Variants in SYCP1 observed in about 807,000 individuals in gnomAD.
SYCP1 encodes synaptonemal complex protein 1.
A neutral mutation model predicts 153.1 loss-of-function variants in SYCP1; 64 were observed. The observed-to-expected ratio is 0.42, with a 90% CI of 0.34 to 0.51. SYCP1 has a LOEUF of 0.51. SYCP1 is among the 20% of genes least tolerant of loss of function. SYCP1 has a pLI of 0.06. For missense variants in SYCP1, 997 were observed against 1,049.0 expected, an observed-to-expected ratio of 0.95 and a Z score of 0.68; for synonymous variants, 384 against 341.8, an observed-to-expected ratio of 1.12 and a Z score of -1.36.
intron 8 of SYCP1, among the ~76,000 whole-genome samples, chr1:114,861,242 G>T (rs1302762914): frequency 1.3e-5 from 2 of 152,018 alleles, no homozygotes; most frequent in African/African-American, 4.8e-5. Context: ...TTTTCCTAAA[G>T]AAAAATTCTT....
At chr1:114,954,499 C>T (rs1218572055) in intron 27 of SYCP1, among the ~76,000 whole-genome samples, 3 of 151,132 alleles carry the variant, frequency 2.0e-5, no homozygotes, top group Non-Finnish European at 4.4e-5. Flanking sequence ...TTAATAAATA[C>T]AATAATAATT....
chr1:114,883,071 C>T (rs907646055), intron 12 of SYCP1, among the ~76,000 whole-genome samples: 2 of 152,118 alleles, frequency 1.3e-5, no homozygotes, highest in Non-Finnish European at 2.9e-5. Context: ...TTGTGGTTAC[C>T]TTACTTCTAT....
intron 9 of SYCP1, among the ~76,000 whole-genome samples, chr1:114,875,854 A>T (rs1665492820): frequency 6.6e-6 from 1 of 152,212 alleles, no homozygotes. Context: ...TGTATTGTAT[A>T]ACATGTTGCC....
intron 27 of SYCP1, among the ~76,000 whole-genome samples, chr1:114,963,565 T>C (rs1351647200): frequency 6.6e-6 from 1 of 151,908 alleles, no homozygotes; most frequent in Non-Finnish European, 1.5e-5. Context: ...GATGTTCCCA[T>C]CCCTGTGCCT....
At chr1:114,876,917 G>A (rs1665580641) in intron 11 of SYCP1, 107 bp downstream of exon 11, 1 of 536,750 alleles carries the variant, frequency 1.9e-6, no homozygotes, top group Non-Finnish European at 2.8e-6. Context: ...AAATTCCTAT[G>A]AGAGAATTTT....
chr1:114,888,776 A>G (rs1666489294), intron 15 of SYCP1, among the ~76,000 whole-genome samples: 1 of 152,110 alleles, frequency 6.6e-6, no homozygotes, highest in Non-Finnish European at 1.5e-5. Flanking sequence ...ATATAGGTAT[A>G]CATGTGCCAC....
At chr1:114,978,435 A>G (rs573256879) in intron 28 of SYCP1, among the ~76,000 whole-genome samples, 17 of 151,760 alleles carry the variant, frequency 1.1e-4, no homozygotes, top group African/African-American at 3.4e-4. Flanking sequence ...GGAATCAGGA[A>G]GAGGTTTGGA....
intron 12 of SYCP1, among the ~76,000 whole-genome samples, chr1:114,880,076 T>C (rs887118235): frequency 2.0e-5 from 3 of 152,178 alleles, no homozygotes; most frequent in Non-Finnish European, 4.4e-5. Flanking sequence ...CATCTGTTGG[T>C]TTATTTCTAT....
chr1:114,885,542 G>A lies in SYCP1; in HGVS notation c.918G>A (p.Gln306=). ...TATAACTTTCTCTTTTAGAATTACA[G>A]AGTGAAAACTTAAAACAATCAATTG... ...VNQLEEKTKL[Q]SENLKQSIEK... The change falls in exon 13 of 32, where the codon CAG becomes CAA. Residue 306 remains glutamine (Q), a synonymous_variant. Coordinates refer to ENST00000369522, the MANE Select transcript of SYCP1 (RefSeq NM_003176.4). 3 of 1,546,554 alleles carry A rather than the reference G, an allele frequency of 1.9e-6. No individual in the cohort carries two copies. Among genetic ancestry groups the A allele is most frequent in the Non-Finnish European group, 2.6e-6 (3 of 1,132,888 alleles).
chr1:114,900,572 C>T (rs1345403618), intron 16 of SYCP1, among the ~76,000 whole-genome samples: 6 of 152,210 alleles, frequency 3.9e-5, no homozygotes, highest in East Asian at 3.8e-4. Context: ...TGAGCCACTG[C>T]GCCTAGCCTC....
In SYCP1 at chr1:114,964,478, G is replaced by GT. The variant is rs1008166237; in HGVS notation, c.2323-13071dup. On this transcript the variant is annotated intron_variant, in intron 27 of 31. Transcript: ENST00000369522. ...CTATGTCCTGAATGGTATTGCCTAG[G>GT]TTTTTTTTCTAGGGTTTTTAATGGG... Among the ~76,000 whole-genome samples the GT allele has an allele frequency of 1.1e-4, 17 of 151,828 alleles. 1 individual carries two copies. Among genetic ancestry groups the GT allele is most frequent in the Admixed American group, 5.3e-4 (8 of 15,222 alleles).
intron 16 of SYCP1, among the ~76,000 whole-genome samples, 172 bp downstream of exon 16, chr1:114,895,681 T>C (rs1307973600): frequency 6.6e-6 from 1 of 152,146 alleles, no homozygotes; most frequent in Non-Finnish European, 1.5e-5. Context: ...AATTTTTATA[T>C]ACCTTGTTAA....
intron 28 of SYCP1, 86 bp from the exon 29 acceptor site, chr1:114,981,250 T>A: frequency 9.5e-7 from 1 of 1,052,212 alleles, no homozygotes; most frequent in Non-Finnish European, 1.4e-6. Context: ...TTGTGAATTC[T>A]ACTAGTTGCT....
intron 27 of SYCP1, among the ~76,000 whole-genome samples, chr1:114,962,038 C>T (rs73004482): frequency 0.027 from 3,923 of 146,458 alleles, 205 homozygotes; most frequent in African/African-American, 0.095. Flanking sequence ...AGTGCAGTGA[C>T]ACAATTTCGG....
chr1:114,983,689 T>C (rs554046881), intron 29 of SYCP1, among the ~76,000 whole-genome samples: 3 of 151,990 alleles, frequency 2.0e-5, no homozygotes, highest in Non-Finnish European at 2.9e-5. Context: ...ACCACGAAGT[T>C]TGGGTTTCCT....
intron 12 of SYCP1, among the ~76,000 whole-genome samples, chr1:114,878,668 C>T (rs1027273211): frequency 2.0e-5 from 3 of 152,140 alleles, no homozygotes; most frequent in Admixed American, 6.6e-5. Flanking sequence ...CTGAGCCTCC[C>T]TAGTAGCTGG....
rs558960435 is a variant in SYCP1 at position 114,988,860 on chromosome 1, T to C, written c.2703+3992T>C. Among the ~76,000 whole-genome samples, 12 of 152,138 alleles carry C rather than the reference T, an allele frequency of 7.9e-5. No homozygotes were observed. The South Asian group carries it at 2.5e-3, about 31-fold the overall frequency. On this transcript the variant is annotated intron_variant, in intron 30 of 31. Transcript: ENST00000369522. ...TTAATTTATGTTACTAGGCGCACAA[T>C]GTATAAAGATGTAGTTTGTGACATC...
chr1:114,924,054 T>A (rs1175467713), intron 21 of SYCP1, among the ~76,000 whole-genome samples: 1 of 152,228 alleles, frequency 6.6e-6, no homozygotes, highest in African/African-American at 2.4e-5. Flanking sequence ...TCAACAAATA[T>A]TGACCACCTA....
intron 18 of SYCP1, 96 bp from the exon 19 acceptor site, chr1:114,912,937 T>C (rs2101679412): frequency 1.2e-6 from 1 of 806,258 alleles, no homozygotes; most frequent in South Asian, 1.8e-5. Context: ...CCCCCAGCCC[T>C]TCATCCCTTT....
Sources: allele counts gnomAD v4.1 joint callset (sites outside exome capture counted in the v4.1 genomes callset), GRCh38; gene constraint gnomAD v4.1.1; transcripts MANE v1.5; gene names NCBI Gene and HGNC (gene_info 2026-07-23, HGNC 2026-07-21).